The following IQGAP2 variants were observed in gnomAD, a reference collection of about 807,000 sequenced individuals.
The protein encoded by IQGAP2 is IQ motif containing GTPase activating protein 2.
A neutral mutation model predicts 201.3 loss-of-function variants in IQGAP2; 173 were observed. The ratio of observed to expected loss-of-function variants is 0.86; its 90% CI spans 0.76 to 0.98. The LOEUF (loss-of-function observed/expected upper bound fraction) is 0.98, where lower values mean the gene tolerates loss of function less well. IQGAP2 is among the 50% of genes least tolerant of loss of function. The pLI is 0.00. For missense variants in IQGAP2, 1,687 were observed against 1,864.8 expected (o/e 0.90, Z 1.76); for synonymous variants, 675 against 673.9 (o/e 1.00, Z -0.03).
chr5:76,483,030 A>G (rs1368157419), intron 2 of IQGAP2, among the ~76,000 whole-genome samples: 1 of 152,238 alleles, frequency 6.6e-6, no homozygotes, highest in African/African-American at 2.4e-5. Flanking sequence ...AAGTGTGGAA[A>G]CATGGAATAA....
intron 2 of IQGAP2, among the ~76,000 whole-genome samples, chr5:76,498,164 A>C (rs1035156173): frequency 6.6e-6 from 1 of 152,228 alleles, no homozygotes; most frequent in South Asian, 2.1e-4. Flanking sequence ...CATGACATAC[A>C]TATTCAAATT....
At position 76,686,152 on chromosome 5, in the gene IQGAP2, GGTT is replaced by G. The variant is rs1745720289; in HGVS notation, c.3905+2239_3905+2241del. Among the ~76,000 whole-genome samples the G allele has an allele frequency of 2.0e-5, 3 of 152,120 alleles. No individual in the cohort carries two copies. In the South Asian group the frequency reaches 6.2e-4, roughly 32 times the overall value. ...AACTCCTTTGTCCATTTTAAAATTA[GGTT>G]GTTTGTGGTTTTGTTCCTCAGTTGT... On this transcript the variant is annotated intron_variant, in intron 30 of 35. Transcript: ENST00000274364.
intron 5 of IQGAP2, among the ~76,000 whole-genome samples, chr5:76,578,369 G>A (rs1381218664): frequency 6.6e-6 from 1 of 151,892 alleles, no homozygotes; most frequent in African/African-American, 2.4e-5. Context: ...CTAGAGTGCA[G>A]TGGTGCAATC....
At chr5:76,653,790 C>T (rs1487616395) in intron 18 of IQGAP2, among the ~76,000 whole-genome samples, 1 of 152,130 alleles carries the variant, frequency 6.6e-6, no homozygotes, top group African/African-American at 2.4e-5. Context: ...CCTGTAAAAA[C>T]TTAAAGGATA....
At chr5:76,524,241 C>T (rs1300654334) in intron 2 of IQGAP2, among the ~76,000 whole-genome samples, 1 of 152,134 alleles carries the variant, frequency 6.6e-6, no homozygotes, top group Non-Finnish European at 1.5e-5. Flanking sequence ...ATACCTTAGC[C>T]AGAAGCCTCA....
At chr5:76,510,860 A>G (rs1470923051) in intron 2 of IQGAP2, 2 of 394,240 alleles carry the variant, frequency 5.1e-6, no homozygotes, top group East Asian at 1.3e-4. Flanking sequence ...GATAGCAGGG[A>G]TGCATTCTCT....
rs756068253 is a variant in IQGAP2, at chr5:76,609,158, G to A, written c.1358-1862G>A. 9.1e-6 allele frequency: 14 copies of A among 1,535,930 alleles called. 1 individual carries two copies. In the South Asian group the frequency reaches 1.1e-4, roughly 12 times the overall value. ...TTAGCAGGTGATTTCAATCAAGTCAGCTGAAATGCACTCACTTCCAGGTGA... is the reference window on the plus strand; with the variant it reads ...TTAGCAGGTGATTTCAATCAAGTCAACTGAAATGCACTCACTTCCAGGTGA... On this transcript the variant is annotated intron_variant, in intron 12 of 35. Coordinates refer to ENST00000274364, the MANE Select transcript of IQGAP2 (RefSeq NM_006633.5).
At chr5:76,430,483 G>A (rs926583039) in intron 1 of IQGAP2, among the ~76,000 whole-genome samples, 1 of 152,204 alleles carries the variant, frequency 6.6e-6, no homozygotes, top group African/African-American at 2.4e-5. Flanking sequence ...CCAAGTGGGA[G>A]GGTTCCAAGA....
At chr5:76,689,743 G>A (rs1580828120) in intron 30 of IQGAP2, among the ~76,000 whole-genome samples, 1 of 152,158 alleles carries the variant, frequency 6.6e-6, no homozygotes, top group East Asian at 1.9e-4. Context: ...GATATTTGAG[G>A]TCTGGAGCTA....
intron 33 of IQGAP2, chr5:76,699,338 A>AT (rs1400922054): frequency 6.6e-6 from 1 of 152,188 alleles, no homozygotes; most frequent in African/African-American, 2.4e-5. Context: ...GTGTGTATAT[A>AT]TACCACATTT....
chr5:76,517,746 G>A (rs770553352), intron 2 of IQGAP2, among the ~76,000 whole-genome samples: 5 of 152,032 alleles, frequency 3.3e-5, no homozygotes, highest in Admixed American at 6.6e-5. Flanking sequence ...CATCGCATAC[G>A]AGTATGCGAT....
intron 11 of IQGAP2, among the ~76,000 whole-genome samples, chr5:76,602,413 C>A (rs1747490584): frequency 6.6e-6 from 1 of 152,164 alleles, no homozygotes; most frequent in Non-Finnish European, 1.5e-5. Context: ...GCCCCTGACT[C>A]ACCCATTCTG....
At chr5:76,465,853 T>G (rs531008989) in intron 2 of IQGAP2, among the ~76,000 whole-genome samples, 8 of 152,286 alleles carry the variant, frequency 5.3e-5, no homozygotes, top group Non-Finnish European at 1.0e-4. Flanking sequence ...AATTGAACAC[T>G]GAAAACTACA....
chr5:76,636,794 A>G (rs112823552), intron 15 of IQGAP2, among the ~76,000 whole-genome samples: 10 of 152,292 alleles, frequency 6.6e-5, no homozygotes, highest in African/African-American at 2.4e-4. Context: ...CATCCTCATG[A>G]AAGATTTAAG....
chr5:76,677,744 A>G (rs925824281), intron 28 of IQGAP2, among the ~76,000 whole-genome samples: 1 of 152,124 alleles, frequency 6.6e-6, no homozygotes, highest in African/African-American at 2.4e-5. Flanking sequence ...CCCGGGCAAC[A>G]TAGTGAGACC....
At chr5:76,661,369 C>CA (rs1561562821) in intron 21 of IQGAP2, among the ~76,000 whole-genome samples, 1 of 151,318 alleles carries the variant, frequency 6.6e-6, no homozygotes, top group Non-Finnish European at 1.5e-5. Flanking sequence ...GCACAGGAGC[C>CA]AAAAAATAAA....
chr5:76,663,968 T>G (rs1743506400), intron 21 of IQGAP2, among the ~76,000 whole-genome samples: 10 of 152,248 alleles, frequency 6.6e-5, no homozygotes, highest in Admixed American at 6.5e-4. Context: ...TCCATTCCAC[T>G]CAAACTTTCT....
chr5:76,582,303 T>C (rs1336072270), intron 5 of IQGAP2, among the ~76,000 whole-genome samples: 2 of 152,250 alleles, frequency 1.3e-5, no homozygotes, highest in African/African-American at 4.8e-5. Flanking sequence ...TCAGCTATTA[T>C]ATTTAACATG....
intron 2 of IQGAP2, among the ~76,000 whole-genome samples, chr5:76,559,945 C>T (rs765837781): frequency 8.5e-5 from 13 of 152,108 alleles, no homozygotes; most frequent in Non-Finnish European, 1.6e-4. Flanking sequence ...GGATAGGTTC[C>T]GGCCACCCAA....
Sources: allele counts gnomAD v4.1 joint callset (sites outside exome capture counted in the v4.1 genomes callset), GRCh38; gene constraint gnomAD v4.1.1; transcripts MANE v1.5; gene names NCBI Gene and HGNC (gene_info 2026-07-23, HGNC 2026-07-21).